Variants in TP53BP1 observed in about 807,000 individuals in gnomAD.
TP53BP1 encodes the protein tumor protein p53 binding protein 1.
TP53BP1 carries 61 observed loss-of-function variants against 200.8 expected under a neutral mutation model. The observed-to-expected ratio is 0.30, with a 90% CI of 0.25 to 0.38. TP53BP1 has a LOEUF of 0.38. Among genes scored for constraint, TP53BP1 ranks in the 10% least tolerant of loss-of-function variants. TP53BP1 has a pLI of 1.00. For missense variants in TP53BP1, 2,144 were observed against 2,371.9 expected, an observed-to-expected ratio of 0.90 and a Z score of 2.00; for synonymous variants, 822 against 844.3, an observed-to-expected ratio of 0.97 and a Z score of 0.46.
intron 18 of TP53BP1, among the ~76,000 whole-genome samples, chr15:43,426,498 C>T (rs1454262675): frequency 6.8e-6 from 1 of 146,098 alleles, no homozygotes; most frequent in Non-Finnish European, 1.5e-5. Flanking sequence ...GTCTGTAAAA[C>T]CAATGAAATC....
At chr15:43,452,431 G>A (rs941852661) in intron 12 of TP53BP1, among the ~76,000 whole-genome samples, 1 of 151,892 alleles carries the variant, frequency 6.6e-6, no homozygotes, top group African/African-American at 2.4e-5. Context: ...GCTGGTACAC[G>A]CCTGTAGTCC....
chr15:43,503,869 G>C (rs1245096209), intron 1 of TP53BP1, among the ~76,000 whole-genome samples: 2 of 152,152 alleles, frequency 1.3e-5, no homozygotes, highest in Non-Finnish European at 2.9e-5. Flanking sequence ...AAAAAAGGGT[G>C]GTTGGTTCCG....
At position 43,438,334 on chromosome 15, in the gene TP53BP1, T is replaced by C. The variant is rs1194835213; in HGVS notation, c.3181A>G (p.Thr1061Ala). ...NEARSEDPPTTPIRGNLLHFP... is the reference protein window; with the variant it reads ...NEARSEDPPTAPIRGNLLHFP... ...AAAAATAATGCTTACCTGATGGGTG[T>C]GGTGGGGGGATCCTCACTTCGAGCC... Residue 1061 changes from threonine to alanine, a missense_variant, in exon 16 of 28, where the codon ACA becomes GCA. Coordinates refer to ENST00000382044, the MANE Select transcript of TP53BP1 (RefSeq NM_001141980.3). 2 of 1,613,652 alleles carry C rather than the reference T, an allele frequency of 1.2e-6. No individual in the cohort carries two copies. Among genetic ancestry groups the C allele is most frequent in the South Asian group, 2.2e-5 (2 of 90,922 alleles).
chr15:43,404,636 T>G lies in TP53BP1; in HGVS notation c.*2747A>C. Reference sequence around the variant, plus strand: ...TAGAATTCTAGAACTGGAAGAAGACTTTAGTCCAAATACCCTCATTTTATA... The same window carrying G: ...TAGAATTCTAGAACTGGAAGAAGACGTTAGTCCAAATACCCTCATTTTATA... On this transcript the variant is annotated 3_prime_UTR_variant, in exon 28 of 28. Coordinates refer to ENST00000382044, the MANE Select transcript of TP53BP1 (RefSeq NM_001141980.3). The G allele has an allele frequency of 6.8e-7, 1 of 1,460,176 alleles. No individual in the cohort carries two copies. Among genetic ancestry groups the G allele is most frequent in the Non-Finnish European group, 9.4e-7 (1 of 1,065,454 alleles). The allele number at this position is 1,460,176 out of a possible 1,614,324, so 90.5% of individuals were successfully genotyped here.
At chr15:43,438,045 C>T (rs2045839730) in intron 16 of TP53BP1, among the ~76,000 whole-genome samples, 1 of 152,216 alleles carries the variant, frequency 6.6e-6, no homozygotes, top group Admixed American at 6.5e-5. Context: ...CAAACTGCCC[C>T]TTCAGCCTTT....
At chr15:43,447,337 T>C (rs2046064985) in intron 13 of TP53BP1, 29 bp downstream of exon 13, 1 of 1,589,486 alleles carries the variant, frequency 6.3e-7, no homozygotes, top group African/African-American at 1.4e-5. Flanking sequence ...AAATTCTGCC[T>C]TAAATATCAT....
chr15:43,502,558 C>T (rs947480057), intron 1 of TP53BP1, among the ~76,000 whole-genome samples: 1 of 151,348 alleles, frequency 6.6e-6, no homozygotes, highest in Admixed American at 6.6e-5. Context: ...GGGTTCACAC[C>T]ATTCTCCTGC....
At position 43,405,395 on chromosome 15, in the gene TP53BP1, T is replaced by C; in HGVS notation, c.*1988A>G. On this transcript the variant is annotated 3_prime_UTR_variant, in exon 28 of 28. Transcript: ENST00000382044. Reference sequence around the variant, plus strand: ...GTACAACTCCTTCCCATCATTCCCATGTGGAAGGGTCTCTCCCATCAAGGA... The same window carrying C: ...GTACAACTCCTTCCCATCATTCCCACGTGGAAGGGTCTCTCCCATCAAGGA... 1.5e-6 allele frequency: 1 copy of C among 649,776 alleles called. No homozygotes were observed. The highest frequency in any genetic ancestry group is 2.7e-5 in the East Asian group (1 of 36,506). 40.3% of individuals were successfully genotyped at this position (649,776 alleles called of 1,614,324 possible). A position where few individuals can be genotyped will look rare whatever the true frequency, so the allele number is the denominator to read the frequency against.
In TP53BP1 at chr15:43,409,067, A is replaced by G. The variant is rs2045023728; in HGVS notation, c.5430T>C (p.Ile1810=). The change falls in exon 26 of 28, where the codon ATT becomes ATC. Residue 1810 remains isoleucine (I), a synonymous_variant. Coordinates refer to ENST00000382044, the MANE Select transcript of TP53BP1 (RefSeq NM_001141980.3). ...TCCGGGTTCGACAATGCTGATCCGC[A>G]ATTAGAAGACACTGGTAAGCTGTGT... The part of the protein sequence containing the change: ...QCNTAYQCLL[I]ADQHCRTRKY... The G allele has an allele frequency of 1.2e-6, 2 of 1,614,088 alleles. No individual in the cohort carries two copies. Among genetic ancestry groups the G allele is most frequent in the Non-Finnish European group, 1.7e-6 (2 of 1,180,046 alleles).
At chr15:43,507,933 T>C (rs2079246991) in intron 1 of TP53BP1, among the ~76,000 whole-genome samples, 1 of 152,170 alleles carries the variant, frequency 6.6e-6, no homozygotes, top group Non-Finnish European at 1.5e-5. Flanking sequence ...CAGGCTGGTC[T>C]TGAACTTCTG....
rs61632755 is a variant in TP53BP1 at position 43,506,281 on chromosome 15, TA to T, written c.-9+4088del. On this transcript the variant is annotated intron_variant, in intron 1 of 27. Transcript: ENST00000263801. ...ATACTTTAAATGCCAAATATGAAAT[TA>T]TTTCCAGAAAAACTTAGAGATGCCC... is the stretch of plus-strand genomic sequence containing the variant. 4.5e-3 allele frequency among the ~76,000 whole-genome samples: 685 copies of T among 152,346 alleles called. 24 individuals carry two copies. The East Asian group carries it at 0.094, about 21-fold the overall frequency.
chr15:43,409,405 C>T (rs2045037316), intron 25 of TP53BP1: 3 of 541,124 alleles, frequency 5.5e-6, no homozygotes, highest in Non-Finnish European at 9.8e-6. Flanking sequence ...TAAACATAAA[C>T]ATCAATCTTC....
chr15:43,504,266 G>A (rs2079224962), intron 1 of TP53BP1, among the ~76,000 whole-genome samples: 1 of 152,142 alleles, frequency 6.6e-6, no homozygotes, highest in Admixed American at 6.5e-5. Flanking sequence ...TCCTGCTTTA[G>A]CCTCCCAAAG....
At chr15:43,430,426 G>A (rs2045642717) in intron 17 of TP53BP1, among the ~76,000 whole-genome samples, 1 of 150,418 alleles carries the variant, frequency 6.6e-6, no homozygotes, top group Non-Finnish European at 1.5e-5. Flanking sequence ...GGTAAAATCT[G>A]CATAACATAA....
At position 43,420,737 on chromosome 15, in the gene TP53BP1, T is replaced by C. The variant is rs1429110129; in HGVS notation, c.4251-2A>G. The C allele has an allele frequency of 6.2e-7, 1 of 1,610,394 alleles. No homozygotes were observed. The highest frequency in any genetic ancestry group is 8.5e-7 in the Non-Finnish European group (1 of 1,177,964). ...AAGGGGCCAGGCACAGCTGTTTCTCTAAAGAGAGATAGGGGATAGGAGAAG... is the reference window on the plus strand; with the variant it reads ...AAGGGGCCAGGCACAGCTGTTTCTCCAAAGAGAGATAGGGGATAGGAGAAG... On this transcript the variant is annotated splice_acceptor_variant, in intron 20 of 27. Transcript: ENST00000382044. LOFTEE classifies it high-confidence loss of function.
chr15:43,417,771 C>T (rs1047255842), intron 21 of TP53BP1, among the ~76,000 whole-genome samples: 2 of 152,206 alleles, frequency 1.3e-5, no homozygotes, highest in African/African-American at 4.8e-5. Context: ...ATATAGCTAA[C>T]AATGTTATCC....
intron 7 of TP53BP1, among the ~76,000 whole-genome samples, chr15:43,478,553 A>T (rs2078916321): frequency 6.6e-6 from 1 of 152,202 alleles, no homozygotes; most frequent in Middle Eastern, 3.2e-3. Flanking sequence ...CTTCTGCCAT[A>T]TTCAAACTTC....
chr15:43,492,452 A>T lies in TP53BP1; in HGVS notation c.24T>A (p.Pro8=). Residue 8 remains proline, a synonymous_variant, in exon 2 of 28, where the codon CCT becomes CCA. Coordinates refer to ENST00000382044, the MANE Select transcript of TP53BP1 (RefSeq NM_001141980.3). ...AATCTGAATCCAACTGACTTCCAGT[A>T]GGGTCCATCTGCTCCCCTGGAATGG... MPGEQMD[P]TGSQLDSDFS... 1 of 1,613,592 alleles carries T rather than the reference A, an allele frequency of 6.2e-7. No homozygotes were observed. The highest frequency in any genetic ancestry group is 8.5e-7 in the Non-Finnish European group (1 of 1,179,568).
In TP53BP1 at chr15:43,439,751, A is replaced by T. The variant is rs572924037; in HGVS notation, c.3099-1335T>A. On this transcript the variant is annotated intron_variant, in intron 15 of 27. Coordinates refer to ENST00000382044, the MANE Select transcript of TP53BP1 (RefSeq NM_001141980.3). ...GATCCACCATTCCAACCCTCTGCTC[A>T]AAGTTTTTCCTTATTTTCTCCTCTC... 2.0e-5 allele frequency among the ~76,000 whole-genome samples: 3 copies of T among 152,320 alleles called. No homozygotes were observed. The East Asian group carries it at 5.8e-4, about 29-fold the overall frequency.
Sources: gnomAD v4.1 joint callset for allele counts (sites outside exome capture counted in the v4.1 genomes callset) on GRCh38, gnomAD v4.1.1 for gene constraint, MANE v1.5 for transcripts, NCBI Gene and HGNC (gene_info 2026-07-23, HGNC 2026-07-21) for gene names.